Variants in COL5A1 observed in about 807,000 individuals in gnomAD.
COL5A1 encodes the protein collagen type V alpha 1 chain, also known as collagen alpha-1(V) chain.
COL5A1 carries 16 observed loss-of-function variants against 263.7 expected under a neutral mutation model. The observed-to-expected ratio is 0.06, with a 90% CI of 0.04 to 0.09. The LOEUF (loss-of-function observed/expected upper bound fraction) is 0.09. Ranked by LOEUF, COL5A1 falls within the 10% of genes least tolerant of loss-of-function variation. The probability of loss-of-function intolerance (pLI) is 1.00; values close to 1 mark genes in which losing one functional copy is unlikely to be tolerated. For synonymous variants in COL5A1, 1,012 were observed against 1,004.5 expected, an observed-to-expected ratio of 1.01 and a Z score of -0.14; for missense variants, 2,036 against 2,540.5, an observed-to-expected ratio of 0.80 and a Z score of 4.27.
intron 4 of COL5A1, among the ~76,000 whole-genome samples, chr9:134,723,644 C>T (rs1003540424): frequency 4.6e-5 from 7 of 152,182 alleles, no homozygotes; most frequent in African/African-American, 4.8e-5. Flanking sequence ...CGGGTGCTGG[C>T]GTGCACCCAG....
Position 134,642,384 on chromosome 9 carries a change from A to G in COL5A1, c.109+88A>G. 1 of 268,518 alleles carries G rather than the reference A, an allele frequency of 3.7e-6. No individual in the cohort carries two copies. The highest frequency in any genetic ancestry group is 6.5e-6 in the Non-Finnish European group (1 of 153,350). 16.6% of individuals were successfully genotyped at this position (268,518 alleles called of 1,614,324 possible). On this transcript the variant is annotated intron_variant, in intron 1 of 65. Coordinates refer to ENST00000371817, the MANE Select transcript of COL5A1 (RefSeq NM_000093.5). The surrounding 1 kb of genome is among the most constrained non-coding windows in gnomAD (Gnocchi z 4.5). ...ATCCCCGGGCGCCTTCGCCCGCAGA[A>G]CTTTTCTTCCTTGGCCTGTGGAATG...
rs1322220087 is a variant in COL5A1, at chr9:134,814,811, A to G, written c.3921A>G (p.Glu1307=). 36 of 1,552,010 alleles carry G rather than the reference A, an allele frequency of 2.3e-5. No homozygotes were observed. Among genetic ancestry groups the G allele is most frequent in the Non-Finnish European group, 3.1e-5 (36 of 1,147,270 alleles). ...CTTTCCTCCAGGGACCCAAAGGAGA[A>G]AGGGGAGAGAAGGGCGAGTCAGGCC... is the stretch of plus-strand genomic sequence containing the variant. ...GEGGPPGPKG[E]RGEKGESGPS... is the part of the protein sequence containing the mutation. The change falls in exon 50 of 66, where the codon GAA becomes GAG. Residue 1307 remains glutamate (E), a synonymous_variant. Transcript: ENST00000371817.
Position 134,809,272 on chromosome 9 carries a change from T to G in COL5A1, c.3456T>G (p.Pro1152=). 6.2e-7 allele frequency: 1 copy of G among 1,608,978 alleles called. No homozygotes were observed. The highest frequency in any genetic ancestry group is 2.2e-5 in the East Asian group (1 of 44,762). The change falls in exon 43 of 66, where the codon CCT becomes CCG. Residue 1152 remains proline (P), a synonymous_variant. Coordinates refer to ENST00000371817, the MANE Select transcript of COL5A1 (RefSeq NM_000093.5). The part of the protein sequence containing the change: ...LPGPAGPVGP[P]GEDGDKGEIG... ...GTCCAGCTGGCCCTGTGGGTCCCCC[T>G]GGAGAAGACGGAGATAAGGTAAGGC...
intron 1 of COL5A1, among the ~76,000 whole-genome samples, chr9:134,687,829 T>A (rs1833132178): frequency 6.6e-6 from 1 of 152,152 alleles, no homozygotes. Context: ...AGCCGGGAAG[T>A]GCACGGGCCA....
At position 134,730,458 on chromosome 9, in the gene COL5A1, ACCT is replaced by A; in HGVS notation, c.1150_1152del (p.Ser384del). The stretch of plus-strand genomic sequence containing the variant: ...CGAAATTCCCACCAGCACCGCCGAC[ACCT>A]CCAACTCCTCCAATGTAATTTCTTT... On this transcript the variant is annotated inframe_deletion, in exon 7 of 66. Coordinates refer to ENST00000371817, the MANE Select transcript of COL5A1 (RefSeq NM_000093.5). The A allele has an allele frequency of 6.2e-7, 1 of 1,613,936 alleles. No individual in the cohort carries two copies. The highest frequency in any genetic ancestry group is 1.3e-5 in the African/African-American group (1 of 74,988).
intron 44 of COL5A1, 53 bp from the exon 45 acceptor site, chr9:134,811,286 A>T: frequency 6.4e-7 from 1 of 1,562,928 alleles, no homozygotes. Flanking sequence ...CCCCTCCCTC[A>T]GCCTTATCCA....
At chr9:134,759,942 TACCCCCAC>T (rs1203903232) in intron 18 of COL5A1, among the ~76,000 whole-genome samples, 1 of 28,218 alleles carries the variant, frequency 3.5e-5, no homozygotes, top group South Asian at 1.4e-3. Flanking sequence ...CACGCATACA[TACCCCCAC>T]ACCCCCACAC....
intron 1 of COL5A1, among the ~76,000 whole-genome samples, chr9:134,664,753 T>TA (rs1832307153): frequency 6.6e-6 from 1 of 152,162 alleles, no homozygotes; most frequent in Non-Finnish European, 1.5e-5. Flanking sequence ...TGGCAATATC[T>TA]ATCCAAGCAT....
rs1024317265 is a variant in COL5A1, at chr9:134,682,949, GA to G, written c.110-7956del. Among the ~76,000 whole-genome samples, 2 of 152,178 alleles carry G rather than the reference GA, an allele frequency of 1.3e-5. No individual in the cohort carries two copies. The highest frequency in any genetic ancestry group is 4.8e-5 in the African/African-American group (2 of 41,550). On this transcript the variant is annotated intron_variant, in intron 1 of 65. Coordinates refer to ENST00000371817, the MANE Select transcript of COL5A1 (RefSeq NM_000093.5). The surrounding 1 kb of genome is among the most constrained non-coding windows in gnomAD (Gnocchi z 5.1). The stretch of plus-strand genomic sequence containing the variant: ...TTAAAGATATTGAACTTGTTTAGGG[GA>G]AAAAAAGGAATTAGAGAAAAAGATC...
At chr9:134,709,657 C>T (rs948601762) in intron 4 of COL5A1, among the ~76,000 whole-genome samples, 13 of 152,328 alleles carry the variant, frequency 8.5e-5, no homozygotes, top group African/African-American at 3.1e-4. Flanking sequence ...CTGGCCCCTC[C>T]TGCTGCCTGG....
intron 63 of COL5A1, among the ~76,000 whole-genome samples, chr9:134,827,421 CAG>C (rs980884806): frequency 1.3e-4 from 20 of 152,220 alleles, no homozygotes; most frequent in African/African-American, 4.6e-4. Context: ...AAACCCTGTT[CAG>C]AGAGAATCCA....
At chr9:134,687,580 G>A (rs1449789693) in intron 1 of COL5A1, among the ~76,000 whole-genome samples, 1 of 152,196 alleles carries the variant, frequency 6.6e-6, no homozygotes, top group Non-Finnish European at 1.5e-5. Flanking sequence ...GTTTCATGAA[G>A]CTTTCGGAGC....
At chr9:134,799,715 C>T (rs1026403762) in intron 37 of COL5A1, among the ~76,000 whole-genome samples, 14 of 152,194 alleles carry the variant, frequency 9.2e-5, no homozygotes, top group South Asian at 2.1e-4. Flanking sequence ...TTCTGCACGG[C>T]GCATGCTGCC....
At position 134,731,761 on chromosome 9, in the gene COL5A1, C is replaced by G. The variant is rs539375090; in HGVS notation, c.1332+98C>G. The G allele has an allele frequency of 3.0e-6, 4 of 1,323,538 alleles. 1 individual carries two copies. In the South Asian group the frequency reaches 5.6e-5, roughly 19 times the overall value. 82.0% of individuals were successfully genotyped at this position (1,323,538 alleles called of 1,614,324 possible). On this transcript the variant is annotated intron_variant, in intron 8 of 65. Coordinates refer to ENST00000371817, the MANE Select transcript of COL5A1 (RefSeq NM_000093.5). ...GAGCCTCCTCAGGGGTGGGCCTCTA[C>G]GGGCAGCTCAAGTGTTACACCCTAT...
chr9:134,751,098 G>A (rs1266760342), intron 13 of COL5A1, among the ~76,000 whole-genome samples: 2 of 151,834 alleles, frequency 1.3e-5, no homozygotes, highest in Non-Finnish European at 2.9e-5. Flanking sequence ...TAGGGGCTCT[G>A]AGAGCATGTC....
At chr9:134,735,814 C>A (rs1835075573) in intron 9 of COL5A1, among the ~76,000 whole-genome samples, 1 of 152,256 alleles carries the variant, frequency 6.6e-6, no homozygotes, top group Admixed American at 6.5e-5. Context: ...GTGTACAGCA[C>A]ACACACGGGT....
intron 1 of COL5A1, among the ~76,000 whole-genome samples, chr9:134,675,457 T>G (rs1832659559): frequency 6.6e-6 from 1 of 152,246 alleles, no homozygotes; most frequent in Admixed American, 6.5e-5. Context: ...TCCCCCCTTT[T>G]TCTAGTTGCA....
chr9:134,664,968 G>A (rs1429751731), intron 1 of COL5A1, among the ~76,000 whole-genome samples: 7 of 152,204 alleles, frequency 4.6e-5, no homozygotes, highest in Non-Finnish European at 1.0e-4. Flanking sequence ...GGAGGCTGAG[G>A]CAGACAGATC....
Position 134,660,024 on chromosome 9 carries a change from A to T in COL5A1, c.109+17728A>T, listed in dbSNP as rs1588413873. Among the ~76,000 whole-genome samples, 5 of 152,310 alleles carry T rather than the reference A, an allele frequency of 3.3e-5. 1 individual carries two copies. Among genetic ancestry groups the T allele is most frequent in the Admixed American group, 3.3e-4 (5 of 15,308 alleles). ...TAAGGCGCAGGCGGGCCAGGGGTAGAAATGGACCAGATGTTTCAGGAACTG... is the reference window on the plus strand; with the variant it reads ...TAAGGCGCAGGCGGGCCAGGGGTAGTAATGGACCAGATGTTTCAGGAACTG... On this transcript the variant is annotated intron_variant, in intron 1 of 65. Coordinates refer to ENST00000371817, the MANE Select transcript of COL5A1 (RefSeq NM_000093.5).
Sources: allele counts gnomAD v4.1 joint callset (sites outside exome capture counted in the v4.1 genomes callset), GRCh38; gene constraint gnomAD v4.1.1; non-coding constraint Gnocchi (gnomAD v3.1); transcripts MANE v1.5; gene names NCBI Gene and HGNC (gene_info 2026-07-23, HGNC 2026-07-21).